Variants in AURKA observed in about 807,000 individuals in gnomAD.
AURKA encodes the protein aurora 2.
A neutral mutation model predicts 40.9 loss-of-function variants in AURKA; 12 were observed. The observed-to-expected ratio is 0.29, with a 90% CI of 0.19 to 0.48. AURKA has a LOEUF of 0.48. Ranked by LOEUF, AURKA falls within the 20% of genes least tolerant of loss-of-function variation. The pLI, the probability that AURKA is intolerant of heterozygous loss-of-function variation, is 0.99. For missense variants in AURKA, 322 were observed against 462.1 expected (o/e 0.70, Z 2.78); for synonymous variants, 170 against 164.3 (o/e 1.03, Z -0.26).
chr20:56,372,580 T>C (rs912581105), intron 7 of AURKA, among the ~76,000 whole-genome samples: 1 of 151,210 alleles, frequency 6.6e-6, no homozygotes, highest in African/African-American at 2.4e-5. Flanking sequence ...TTCAGTGCAT[T>C]GCTGGAACAA....
At chr20:56,370,758 C>T in intron 7 of AURKA, 99 bp from the exon 8 acceptor site, 9 of 1,327,402 alleles carry the variant, frequency 6.8e-6, no homozygotes, top group Non-Finnish European at 9.5e-6. Flanking sequence ...GAGGTCTTCC[C>T]CTGGGCCAGA....
At position 56,369,893 on chromosome 20, in the gene AURKA, G is replaced by A. The variant is rs765397114; in HGVS notation, c.*265C>T. On this transcript the variant is annotated 3_prime_UTR_variant, in exon 9 of 9. Transcript: ENST00000395915. ...CATGCCTAGCACAGGCTGACGGGGCGGCTGCAGTCGAACCTTGCCTCCAGA... is the reference window on the plus strand; with the variant it reads ...CATGCCTAGCACAGGCTGACGGGGCAGCTGCAGTCGAACCTTGCCTCCAGA... 12 of 544,658 alleles carry A rather than the reference G, an allele frequency of 2.2e-5. No homozygotes were observed. Among genetic ancestry groups the A allele is most frequent in the South Asian group, 5.8e-5 (3 of 51,352 alleles). 33.7% of individuals were successfully genotyped at this position (544,658 alleles called of 1,614,324 possible).
chr20:56,376,128 G>C (rs184773544), intron 6 of AURKA, among the ~76,000 whole-genome samples: 14 of 152,196 alleles, frequency 9.2e-5, no homozygotes. Context: ...TTTTAAAGTA[G>C]GATATCAATA....
At position 56,373,641 on chromosome 20, in the gene AURKA, C is replaced by T; in HGVS notation, c.706-85G>A. 6.6e-7 allele frequency: 1 copy of T among 1,509,582 alleles called. No homozygotes were observed. Among genetic ancestry groups the T allele is most frequent in the Non-Finnish European group, 9.1e-7 (1 of 1,095,242 alleles). The allele number at this position is 1,509,582 out of a possible 1,614,324, so 93.5% of individuals were successfully genotyped here. ...GACATCTCTTCCGAAAGGAACACAACATAGATTTAACATGGTTTGCAGGTT... is the reference window on the plus strand; with the variant it reads ...GACATCTCTTCCGAAAGGAACACAATATAGATTTAACATGGTTTGCAGGTT... On this transcript the variant is annotated intron_variant, in intron 6 of 8. Coordinates refer to ENST00000395915, the MANE Select transcript of AURKA (RefSeq NM_198437.3). This position sits in a 1 kb window ranked among gnomAD's most constrained non-coding sequence, Gnocchi z 5.0.
chr20:56,380,334 G>A (rs1246155313), intron 6 of AURKA, among the ~76,000 whole-genome samples: 1 of 141,710 alleles, frequency 7.1e-6, no homozygotes, highest in Non-Finnish European at 1.5e-5. Flanking sequence ...CAGCCTGGGC[G>A]ACAGAGTGAG....
chr20:56,382,150 C>T (rs939620856), intron 5 of AURKA, among the ~76,000 whole-genome samples: 29 of 145,222 alleles, frequency 2.0e-4, no homozygotes, highest in African/African-American at 2.6e-4. Flanking sequence ...GGCAACAGAG[C>T]GAGACTCCAT....
chr20:56,379,063 C>T (rs1234357756), intron 6 of AURKA, among the ~76,000 whole-genome samples: 1 of 152,132 alleles, frequency 6.6e-6, no homozygotes, highest in Non-Finnish European at 1.5e-5. Context: ...CCTGGGCATG[C>T]AGATTGTGAC....
rs558355493 is a variant in AURKA at position 56,385,722 on chromosome 20, A to G, written c.319+535T>C. On this transcript the variant is annotated intron_variant, in intron 3 of 8. Transcript: ENST00000395915. ...GTGATCCACCTGCCTCGGTCTCCCA[A>G]AGCGCTGGGATTACAGGCGTGAGCC... 1.1e-4 allele frequency among the ~76,000 whole-genome samples: 16 copies of G among 152,200 alleles called. No homozygotes were observed. The East Asian group carries it at 3.1e-3, about 29-fold the overall frequency.
intron 1 of AURKA, chr20:56,390,655 G>A (rs1490072170): frequency 6.8e-6 from 1 of 147,718 alleles, no homozygotes; most frequent in Non-Finnish European, 1.5e-5. Flanking sequence ...CCTGGGCAAT[G>A]GAGTGAGACC....
chr20:56,382,968 T>C lies in AURKA; in HGVS notation c.566+17A>G. The C allele has an allele frequency of 6.2e-7, 1 of 1,612,864 alleles. No homozygotes were observed. The highest frequency in any genetic ancestry group is 8.5e-7 in the Non-Finnish European group (1 of 1,179,856). ...GCATTGGTGAACATTCTTTTGAACA[T>C]GAACCTGAAAACTCACCGAAGGTGG... On this transcript the variant is annotated intron_variant, in intron 5 of 8. Coordinates refer to ENST00000395915, the MANE Select transcript of AURKA (RefSeq NM_198437.3).
At chr20:56,385,861 G>A (rs1475219706) in intron 3 of AURKA, among the ~76,000 whole-genome samples, 2 of 152,072 alleles carry the variant, frequency 1.3e-5, no homozygotes, top group Non-Finnish European at 2.9e-5. Flanking sequence ...TCCTTAACAT[G>A]GCCAGCAATG....
chr20:56,378,806 AT>A (rs1485745031), intron 6 of AURKA, among the ~76,000 whole-genome samples: 1 of 152,244 alleles, frequency 6.6e-6, no homozygotes, highest in African/African-American at 2.4e-5. Flanking sequence ...TACTGTTATG[AT>A]TCCAATTACA....
intron 6 of AURKA, among the ~76,000 whole-genome samples, chr20:56,379,817 C>A (rs1461383024): frequency 6.6e-6 from 1 of 151,444 alleles, no homozygotes; most frequent in Non-Finnish European, 1.5e-5. Flanking sequence ...CAAAAATGAG[C>A]CGGGTGTGGT....
intron 1 of AURKA, among the ~76,000 whole-genome samples, chr20:56,389,768 C>T (rs1341992530): frequency 6.6e-6 from 1 of 152,210 alleles, no homozygotes; most frequent in Non-Finnish European, 1.5e-5. Flanking sequence ...CCCATCCTGT[C>T]AGTTGCTCAG....
intron 6 of AURKA, among the ~76,000 whole-genome samples, chr20:56,380,877 G>T (rs1042278231): frequency 2.0e-5 from 3 of 152,150 alleles, no homozygotes; most frequent in African/African-American, 7.2e-5. Flanking sequence ...TTGGTTCATT[G>T]AATGTGACAA....
rs1985930381 is a variant in AURKA at position 56,383,083 on chromosome 20, C to T, written c.468G>A (p.Lys156=). The T allele has an allele frequency of 1.2e-6, 2 of 1,614,114 alleles. No homozygotes were observed. Among genetic ancestry groups the T allele is most frequent in the Admixed American group, 1.7e-5 (1 of 60,000 alleles). The stretch of plus-strand genomic sequence containing the variant: ...ATAACACTTTAAGAGCCAGAATAAA[C>T]TTGCTTTGCTTTTCTCTTGCCAAAT... The part of the protein sequence containing the change: ...NVYLAREKQS[K]FILALKVLFK... The change falls in exon 5 of 9, where the codon AAG becomes AAA. Residue 156 remains lysine (K), a synonymous_variant. Transcript: ENST00000395915.
chr20:56,384,975 G>A (rs1027835431), intron 3 of AURKA, among the ~76,000 whole-genome samples: 2 of 152,086 alleles, frequency 1.3e-5, no homozygotes, highest in African/African-American at 4.8e-5. Flanking sequence ...CTGGATGCTG[G>A]TCCAAACTCT....
At chr20:56,375,385 T>C (rs1222156487) in intron 6 of AURKA, among the ~76,000 whole-genome samples, 2 of 150,446 alleles carry the variant, frequency 1.3e-5, no homozygotes, top group South Asian at 2.1e-4. Flanking sequence ...CCTCAAGTGA[T>C]CCTCCCACCT....
intron 5 of AURKA, 103 bp from the exon 6 acceptor site, chr20:56,381,674 A>G (rs2146184124): frequency 2.1e-6 from 3 of 1,435,840 alleles, no homozygotes; most frequent in Non-Finnish European, 2.9e-6. Flanking sequence ...GGTGTTTCAC[A>G]TGAAACCACA....
Sources: allele counts gnomAD v4.1 joint callset (sites outside exome capture counted in the v4.1 genomes callset), GRCh38; gene constraint gnomAD v4.1.1; non-coding constraint Gnocchi (gnomAD v3.1); transcripts MANE v1.5; gene names NCBI Gene and HGNC (gene_info 2026-07-23, HGNC 2026-07-21).